The following KMT2C variants were observed in gnomAD, a reference collection of about 807,000 sequenced individuals.
The protein encoded by KMT2C is lysine methyltransferase 2C.
A neutral mutation model predicts 507.9 loss-of-function variants in KMT2C; 88 were observed. That is an observed-to-expected ratio of 0.17 (90% CI 0.15 to 0.21). The LOEUF (loss-of-function observed/expected upper bound fraction) is 0.21. Ranked by LOEUF, KMT2C falls within the 10% of genes least tolerant of loss-of-function variation. KMT2C has a pLI of 1.00. For missense variants in KMT2C, 4,954 were observed against 5,957.8 expected, an observed-to-expected ratio of 0.83 and a Z score of 5.55; for synonymous variants, 2,049 against 2,080.8, an observed-to-expected ratio of 0.98 and a Z score of 0.42.
intron 1 of KMT2C, among the ~76,000 whole-genome samples, chr7:152,428,504 G>C (rs1256984984): frequency 6.7e-6 from 1 of 149,980 alleles, no homozygotes; most frequent in Non-Finnish European, 1.5e-5. Context: ...GGTGGTGGGT[G>C]CCTGTAATCC....
At chr7:152,215,899 T>C (rs1432332450) in intron 23 of KMT2C, among the ~76,000 whole-genome samples, 1 of 152,118 alleles carries the variant, frequency 6.6e-6, no homozygotes, top group Non-Finnish European at 1.5e-5. Flanking sequence ...ATCATTTGAA[T>C]GTATAACTTG....
intron 3 of KMT2C, among the ~76,000 whole-genome samples, chr7:152,327,525 C>G (rs1215239135): frequency 1.2e-4 from 19 of 152,210 alleles, no homozygotes; most frequent in Admixed American, 1.2e-3. Context: ...TTCTGTACCT[C>G]TCAATACCAC....
intron 53 of KMT2C, among the ~76,000 whole-genome samples, chr7:152,145,639 T>TC (rs1398880658): frequency 6.6e-6 from 1 of 152,242 alleles, no homozygotes; most frequent in Admixed American, 6.5e-5. Context: ...GGGCATGTAA[T>TC]GATTCGCATT....
At chr7:152,225,027 T>G (rs546686637) in intron 18 of KMT2C, among the ~76,000 whole-genome samples, 7 of 152,220 alleles carry the variant, frequency 4.6e-5, no homozygotes, top group Non-Finnish European at 7.4e-5. Flanking sequence ...ACCAAAAAAA[T>G]TAATGTAAGG....
intron 9 of KMT2C, among the ~76,000 whole-genome samples, chr7:152,257,544 A>C (rs2095680914): frequency 6.6e-6 from 1 of 152,188 alleles, no homozygotes; most frequent in Non-Finnish European, 1.5e-5. Context: ...GAGCAAACTG[A>C]AGCAGACTTG....
chr7:152,308,497 G>A (rs2096639945), intron 6 of KMT2C, among the ~76,000 whole-genome samples: 1 of 151,404 alleles, frequency 6.6e-6, no homozygotes, highest in Admixed American at 6.6e-5. Context: ...CCAACGTAGT[G>A]AAACCACATC....
chr7:152,201,926 T>A (rs1355407531), intron 26 of KMT2C, among the ~76,000 whole-genome samples: 4 of 152,176 alleles, frequency 2.6e-5, no homozygotes, highest in Non-Finnish European at 5.9e-5. Context: ...GGTGTTTAAA[T>A]CCTGACTTTA....
intron 1 of KMT2C, among the ~76,000 whole-genome samples, chr7:152,380,922 G>A (rs2097368452): frequency 6.6e-6 from 1 of 152,172 alleles, no homozygotes; most frequent in South Asian, 2.1e-4. Context: ...TTTATGACTT[G>A]AATCCCAAGC....
intron 1 of KMT2C, among the ~76,000 whole-genome samples, chr7:152,365,374 T>C (rs1260553657): frequency 6.6e-6 from 1 of 152,082 alleles, no homozygotes; most frequent in Non-Finnish European, 1.5e-5. Flanking sequence ...CCAGGAATGG[T>C]AGCAGGCGCC....
intron 6 of KMT2C, among the ~76,000 whole-genome samples, chr7:152,277,608 TCCCTGAATGGCAGCTTC>T (rs2096107861): frequency 6.6e-6 from 1 of 152,070 alleles, no homozygotes; most frequent in South Asian, 2.1e-4. Flanking sequence ...CTCCTTAAAC[TCCCTGAATGGCAGCTTC>T]AGGTAAAAAC....
chr7:152,161,899 T>C (rs1337784776), intron 43 of KMT2C, among the ~76,000 whole-genome samples: 1 of 152,232 alleles, frequency 6.6e-6, no homozygotes, highest in African/African-American at 2.4e-5. Context: ...ATACATGCCT[T>C]TGCTTTTTAA....
intron 2 of KMT2C, among the ~76,000 whole-genome samples, chr7:152,341,877 T>C (rs2096997004): frequency 6.6e-6 from 1 of 152,192 alleles, no homozygotes; most frequent in Non-Finnish European, 1.5e-5. Flanking sequence ...AGACTCAAAA[T>C]GTACAAACAA....
intron 27 of KMT2C, among the ~76,000 whole-genome samples, chr7:152,196,226 C>A (rs2093957731): frequency 6.6e-6 from 1 of 151,852 alleles, no homozygotes; most frequent in African/African-American, 2.4e-5. Context: ...TGTCTTGTGA[C>A]TAATGTATAT....
rs146722017 is a variant in KMT2C, at chr7:152,330,345, T to C, written c.389+256A>G. Among the ~76,000 whole-genome samples the C allele has an allele frequency of 3.6e-3, 547 of 152,204 alleles. 3 individuals carry two copies. Among genetic ancestry groups the C allele is most frequent in the African/African-American group, 0.013 (525 of 41,512 alleles). On this transcript the variant is annotated intron_variant, in intron 3 of 58. Transcript: ENST00000262189. ...TATGTCTTCTGCCAGGAACAGCACA[T>C]TGGTAATATTCTGTACTGGCCTGAG...
intron 8 of KMT2C, among the ~76,000 whole-genome samples, chr7:152,263,929 G>A (rs956649499): frequency 1.3e-5 from 2 of 152,168 alleles, no homozygotes; most frequent in African/African-American, 4.8e-5. Context: ...AGAGCTGAGA[G>A]AGGAATCTCT....
chr7:152,385,979 T>G (rs1232152153), intron 1 of KMT2C, among the ~76,000 whole-genome samples: 1 of 151,622 alleles, frequency 6.6e-6, no homozygotes, highest in African/African-American at 2.4e-5. Flanking sequence ...TACCAGCTAC[T>G]TGGGAGGCTG....
chr7:152,396,205 T>C (rs2097537208), intron 1 of KMT2C, among the ~76,000 whole-genome samples: 1 of 152,226 alleles, frequency 6.6e-6, no homozygotes, highest in African/African-American at 2.4e-5. Context: ...CCATTTATTC[T>C]GTGTTTGGAT....
intron 9 of KMT2C, among the ~76,000 whole-genome samples, chr7:152,257,723 T>C (rs2095684263): frequency 6.6e-6 from 1 of 152,150 alleles, no homozygotes; most frequent in Admixed American, 6.6e-5. Context: ...CATATGTATA[T>C]GAATATTTAT....
Position 152,177,753 on chromosome 7 carries a change from TC to T in KMT2C, c.7699del (p.Asp2567ThrfsTer16). 6.2e-7 allele frequency: 1 copy of T among 1,614,072 alleles called. No individual in the cohort carries two copies. ...AYIELRHRAP[D>X]GRQRLPFSAP... ...ACTGAAAGGCAGCCGTTGCCTTCCG[TC>T]AGGAGCCCTATGTCTCAGTTCAATA... On this transcript the variant is annotated frameshift_variant, in exon 38 of 59. Transcript: ENST00000262189. LOFTEE classifies it high-confidence loss of function.
Sources: gnomAD v4.1 joint callset for allele counts (sites outside exome capture counted in the v4.1 genomes callset) on GRCh38, gnomAD v4.1.1 for gene constraint, MANE v1.5 for transcripts, NCBI Gene and HGNC (gene_info 2026-07-23, HGNC 2026-07-21) for gene names.